Variants in SRGAP3 observed in about 807,000 individuals in gnomAD.
The protein encoded by SRGAP3 is SLIT-ROBO Rho GTPase-activating protein 3.
Under a neutral mutation model 121.1 loss-of-function variants are expected in SRGAP3, and 39 were observed. The observed-to-expected ratio is 0.32, with a 90% CI of 0.25 to 0.42. The LOEUF (loss-of-function observed/expected upper bound fraction) is 0.42, where lower values mean the gene tolerates loss of function less well. Ranked by LOEUF, SRGAP3 falls within the 10% of genes least tolerant of loss-of-function variation. The pLI is 1.00. For missense variants in SRGAP3, 1,213 were observed against 1,470.6 expected, an observed-to-expected ratio of 0.82 and a Z score of 2.86; for synonymous variants, 601 against 570.0, an observed-to-expected ratio of 1.05 and a Z score of -0.77.
chr3:9,005,773 G>T (rs1204984606), intron 18 of SRGAP3, among the ~76,000 whole-genome samples: 1 of 152,096 alleles, frequency 6.6e-6, no homozygotes, highest in African/African-American at 2.4e-5. Context: ...TGGGGGGTAG[G>T]GATGGGAGGG....
At chr3:9,066,729 C>T (rs1946451829) in intron 4 of SRGAP3, among the ~76,000 whole-genome samples, 1 of 152,174 alleles carries the variant, frequency 6.6e-6, no homozygotes, top group African/African-American at 2.4e-5. Flanking sequence ...GATCTCCTGA[C>T]CTCAGGTGAT....
At position 9,202,990 on chromosome 3, in the gene SRGAP3, C is replaced by G. The variant is rs118096773; in HGVS notation, c.67+45895G>C. Among the ~76,000 whole-genome samples the G allele has an allele frequency of 3.5e-4, 53 of 152,352 alleles. 1 individual carries two copies. In the East Asian group the frequency reaches 0.01, roughly 29 times the overall value. ...AGGCCAACTCCAAAAGTCACCCTAG[C>G]TTCAGCAACCCTTGTGGGATCAGCT... On this transcript the variant is annotated intron_variant, in intron 1 of 21. Transcript: ENST00000383836.
At chr3:9,316,553 G>T (rs544336758) in intron 3 of SRGAP3, among the ~76,000 whole-genome samples, 2 of 152,084 alleles carry the variant, frequency 1.3e-5, no homozygotes, top group South Asian at 2.1e-4. Flanking sequence ...CCAGCTACTC[G>T]GGAGGCTGAG....
intron 3 of SRGAP3, 43 bp downstream of exon 3, chr3:9,104,637 T>TG: frequency 6.2e-7 from 1 of 1,612,522 alleles, no homozygotes; most frequent in Non-Finnish European, 8.5e-7. Context: ...TGGGCCAGCT[T>TG]GGGGCAAAGA....
chr3:9,265,293 C>T (rs555694126), intron 3 of SRGAP3, among the ~76,000 whole-genome samples: 2 of 152,144 alleles, frequency 1.3e-5, no homozygotes. Context: ...CTAGGCAATA[C>T]TATTCAGGAC....
rs550913894 is a variant in SRGAP3 at position 9,072,138 on chromosome 3, GT to G, written c.487-7558del. Reference sequence around the variant, plus strand: ...TCCTGATCCCAACCGGCCAGGCTCAGTGCAGTGACTCAGGAGCAGTGCTGAC... The same window carrying G: ...TCCTGATCCCAACCGGCCAGGCTCAGGCAGTGACTCAGGAGCAGTGCTGAC... On this transcript the variant is annotated intron_variant, in intron 4 of 21. Coordinates refer to ENST00000383836, the MANE Select transcript of SRGAP3 (RefSeq NM_014850.4). Among the ~76,000 whole-genome samples the G allele has an allele frequency of 4.6e-5, 7 of 152,296 alleles. No individual in the cohort carries two copies. The East Asian group carries it at 1.4e-3, about 29-fold the overall frequency.
intron 1 of SRGAP3, among the ~76,000 whole-genome samples, chr3:9,341,675 G>C (rs560528908): frequency 6.6e-6 from 1 of 152,180 alleles, no homozygotes; most frequent in African/African-American, 2.4e-5. Flanking sequence ...TTGTTTGTTT[G>C]CGTTATAGAG....
At chr3:9,302,068 T>C (rs966820193) in intron 3 of SRGAP3, among the ~76,000 whole-genome samples, 15 of 152,208 alleles carry the variant, frequency 9.9e-5, no homozygotes, top group Admixed American at 3.3e-4. Flanking sequence ...ATCATGTGCT[T>C]ACAACCGTCC....
intron 3 of SRGAP3, among the ~76,000 whole-genome samples, chr3:9,277,671 T>C (rs2125263686): frequency 6.6e-6 from 1 of 151,108 alleles, no homozygotes; most frequent in Non-Finnish European, 1.5e-5. Context: ...TCCCAGCTAC[T>C]TGAAAGGCCA....
At chr3:9,150,109 A>G (rs1184539532) in intron 1 of SRGAP3, among the ~76,000 whole-genome samples, 1 of 152,192 alleles carries the variant, frequency 6.6e-6, no homozygotes, top group Non-Finnish European at 1.5e-5. Flanking sequence ...TGCAGGGCAC[A>G]GGGTGGATAC....
Position 9,061,914 on chromosome 3 carries a change from T to C in SRGAP3, c.673-1555A>G, listed in dbSNP as rs568168889. ...GCTCCTTTCAGACTGATGAGTCCCA[T>C]TGCTGTGTAAAAAGTCAGGTCTCTG... is the stretch of plus-strand genomic sequence containing the variant. On this transcript the variant is annotated intron_variant, in intron 5 of 21. Coordinates refer to ENST00000383836, the MANE Select transcript of SRGAP3 (RefSeq NM_014850.4). 2.0e-5 allele frequency among the ~76,000 whole-genome samples: 3 copies of C among 152,314 alleles called. No individual in the cohort carries two copies. In the South Asian group the frequency reaches 6.2e-4, roughly 32 times the overall value.
rs765411701 is a variant in SRGAP3 at position 8,994,446 on chromosome 3, C to T, written c.2305G>A (p.Ala769Thr). 3 of 1,614,094 alleles carry T rather than the reference C, an allele frequency of 1.9e-6. No individual in the cohort carries two copies. The highest frequency in any genetic ancestry group is 2.5e-6 in the Non-Finnish European group (3 of 1,180,056). The part of the protein sequence containing the change: ...SPRELSFKKG[A>T]SLLLYHRASE... ...GCGCGGTGGTACAGGAGCAGCGAGG[C>T]CCCCTTCTTGAAGGATAGCTCACGC... The change falls in exon 19 of 22, where the codon GCC becomes ACC. Residue 769 changes from alanine to threonine, a missense_variant. By Grantham distance (58) the Ala-to-Thr change is moderately conservative (BLOSUM62 0). Coordinates refer to ENST00000383836, the MANE Select transcript of SRGAP3 (RefSeq NM_014850.4).
intron 1 of SRGAP3, among the ~76,000 whole-genome samples, chr3:9,232,422 C>A (rs1284179016): frequency 6.6e-6 from 1 of 152,116 alleles, no homozygotes; most frequent in Non-Finnish European, 1.5e-5. Flanking sequence ...ACCCCTCGTC[C>A]CCAAGGGTAA....
chr3:9,077,752 G>A (rs1947040450), intron 4 of SRGAP3, among the ~76,000 whole-genome samples: 1 of 152,202 alleles, frequency 6.6e-6, no homozygotes, highest in East Asian at 1.9e-4. Flanking sequence ...CCACTGTGCT[G>A]GGCACTGGGA....
chr3:9,066,660 C>T (rs560915372), intron 4 of SRGAP3, among the ~76,000 whole-genome samples: 199 of 152,234 alleles, frequency 1.3e-3, no homozygotes, highest in African/African-American at 4.1e-3. Context: ...CCACAATGCC[C>T]GGCTAATGTT....
intron 1 of SRGAP3, among the ~76,000 whole-genome samples, chr3:9,150,932 A>G (rs1950190148): frequency 1.3e-5 from 2 of 152,224 alleles, no homozygotes. Flanking sequence ...TCCAGTCTAG[A>G]AGAAACTGGG....
chr3:9,032,779 C>G (rs917667844), intron 11 of SRGAP3, 27 bp from the exon 12 acceptor site: 1 of 1,594,524 alleles, frequency 6.3e-7, no homozygotes, highest in African/African-American at 1.3e-5. Flanking sequence ...CAAAAGAAAT[C>G]AAGAAAGCAA....
intron 14 of SRGAP3, 141 bp downstream of exon 14, chr3:9,025,120 G>T (rs894016943): frequency 2.5e-5 from 21 of 832,476 alleles, no homozygotes; most frequent in Admixed American, 5.6e-5. Context: ...CACTGCATGT[G>T]AAGTTGGGAA....
rs1316237953 is a variant in SRGAP3, at chr3:9,013,460, G to A, written c.1995C>T (p.His665=). ...LAICFGPTLM[H]IPDGQDPVSC... ...ACACAGGGTCCTGCCCATCAGGGAT[G>A]TGCATGAGGGTAGGCCCGAAGCAGA... Residue 665 remains histidine (H), a synonymous_variant, in exon 17 of 22, where the codon CAC becomes CAT. Transcript: ENST00000383836. 7 of 1,614,108 alleles carry A rather than the reference G, an allele frequency of 4.3e-6. No individual in the cohort carries two copies. The highest frequency in any genetic ancestry group is 5.9e-6 in the Non-Finnish European group (7 of 1,180,030).
Sources: gnomAD v4.1 joint callset for allele counts (sites outside exome capture counted in the v4.1 genomes callset) on GRCh38, gnomAD v4.1.1 for gene constraint, MANE v1.5 for transcripts, NCBI Gene and HGNC (gene_info 2026-07-23, HGNC 2026-07-21) for gene names.